The following CFAP44 variants were observed in gnomAD, a reference collection of about 807,000 sequenced individuals.
CFAP44 encodes the protein cilia- and flagella-associated protein 44.
CFAP44 carries 134 observed loss-of-function variants against 216.2 expected under a neutral mutation model. The observed-to-expected ratio is 0.62, with a 90% CI of 0.54 to 0.72. The LOEUF (loss-of-function observed/expected upper bound fraction) is 0.72, where lower values mean the gene tolerates loss of function less well. Among genes scored for constraint, CFAP44 ranks in the 30% least tolerant of loss-of-function variants. CFAP44 has a pLI of 0.00. For missense variants in CFAP44, 2,035 were observed against 2,182.1 expected (o/e 0.93, Z 1.34); for synonymous variants, 700 against 727.6 (o/e 0.96, Z 0.61).
At chr3:113,352,919 T>C (rs1237316091) in intron 22 of CFAP44, among the ~76,000 whole-genome samples, 4 of 152,238 alleles carry the variant, frequency 2.6e-5, no homozygotes, top group Non-Finnish European at 4.4e-5. Context: ...TCCAGTCAGA[T>C]AGCTAGCTAG....
chr3:113,396,750 G>A (rs750929712), intron 13 of CFAP44, 23 bp from the exon 14 acceptor site: 3 of 1,606,520 alleles, frequency 1.9e-6, no homozygotes, highest in Admixed American at 1.7e-5. Flanking sequence ...TAAAGATAAG[G>A]GACCTGAAAC....
chr3:113,384,028 G>T (rs1010879011), intron 15 of CFAP44, among the ~76,000 whole-genome samples: 6 of 151,220 alleles, frequency 4.0e-5, no homozygotes, highest in African/African-American at 1.5e-4. Flanking sequence ...GTGTTAGTTT[G>T]CTGAGAATGA....
chr3:113,294,839 T>C lies in CFAP44; in HGVS notation c.5239-18A>G, dbSNP rs1312142627. On this transcript the variant is annotated intron_variant, in intron 33 of 34. Transcript: ENST00000393845. Reference sequence around the variant, plus strand: ...ATCTTTTCCTACCAGGGTGGGAAGATGCAAAATAGATGTAGTGAATACGAG... The same window carrying C: ...ATCTTTTCCTACCAGGGTGGGAAGACGCAAAATAGATGTAGTGAATACGAG... 1.3e-6 allele frequency: 2 copies of C among 1,518,808 alleles called. No individual in the cohort carries two copies. Among genetic ancestry groups the C allele is most frequent in the Non-Finnish European group, 8.8e-7 (1 of 1,140,898 alleles). 94.1% of individuals were successfully genotyped at this position (1,518,808 alleles called of 1,614,324 possible).
intron 1 of CFAP44, among the ~76,000 whole-genome samples, chr3:113,439,751 CCAGA>C (rs746860911): frequency 3.9e-5 from 6 of 152,182 alleles, no homozygotes; most frequent in Admixed American, 6.5e-5. Flanking sequence ...TGGCTAGACG[CCAGA>C]CAGAGTGCTG....
At chr3:113,305,227 T>C in intron 30 of CFAP44, 75 bp from the exon 31 acceptor site, 1 of 1,274,668 alleles carries the variant, frequency 7.8e-7, no homozygotes, top group East Asian at 2.5e-5. Context: ...AATGAAGGCA[T>C]CTTGGGAGGA....
chr3:113,372,530 G>C, intron 18 of CFAP44, among the ~76,000 whole-genome samples: 1 of 152,176 alleles, frequency 6.6e-6, no homozygotes. Context: ...ATTGAACAAT[G>C]AGAACACATG....
chr3:113,310,995 C>T (rs1417820503), intron 28 of CFAP44, among the ~76,000 whole-genome samples: 1 of 152,224 alleles, frequency 6.6e-6, no homozygotes. Flanking sequence ...TTATAACTTA[C>T]CCAATATCAG....
Position 113,289,334 on chromosome 3 carries a change from T to C in CFAP44, c.*2223A>G, listed in dbSNP as rs775123221. The C allele has an allele frequency of 6.6e-6, 1 of 152,204 alleles. No homozygotes were observed. The highest frequency in any genetic ancestry group is 1.5e-5 in the Non-Finnish European group (1 of 68,036). 9.4% of individuals were successfully genotyped at this position (152,204 alleles called of 1,614,324 possible). A position where few individuals can be genotyped will look rare whatever the true frequency, so the allele number is the denominator to read the frequency against. On this transcript the variant is annotated 3_prime_UTR_variant, in exon 35 of 35. Transcript: ENST00000393845. ...GTCCAGCTCAGTTTGGGAATAATTA[T>C]CCCGATTAGCTTTCCTCTCAGTTGA...
chr3:113,418,057 A>AATTTATTTATTTATTTATTTATTTATTT (rs71299331), intron 5 of CFAP44, among the ~76,000 whole-genome samples: 1 of 148,836 alleles, frequency 6.7e-6, no homozygotes, highest in East Asian at 2.0e-4. Context: ...ATTGAGACAC[A>AATTTATTTATTTATTTATTTATTTATTT]ATTTATTTAT....
intron 22 of CFAP44, among the ~76,000 whole-genome samples, chr3:113,347,929 G>A (rs547478309): frequency 1.1e-4 from 16 of 152,090 alleles, no homozygotes; most frequent in East Asian, 3.9e-4. Context: ...GATTTTTCTC[G>A]GTCCTCATTG....
intron 28 of CFAP44, among the ~76,000 whole-genome samples, chr3:113,317,428 T>G (rs1320994710): frequency 1.3e-5 from 2 of 151,328 alleles, no homozygotes; most frequent in Non-Finnish European, 2.9e-5. Context: ...GCACATCTTC[T>G]CTGCAAGCCC....
At chr3:113,398,308 C>A (rs968048999) in intron 13 of CFAP44, among the ~76,000 whole-genome samples, 1 of 151,984 alleles carries the variant, frequency 6.6e-6, no homozygotes, top group Non-Finnish European at 1.5e-5. Context: ...AGGAAGGAGG[C>A]CCTAACTCTA....
Position 113,341,726 on chromosome 3 carries a change from A to G in CFAP44, c.3437+18T>C. The G allele has an allele frequency of 6.8e-7, 1 of 1,465,266 alleles. No individual in the cohort carries two copies. The highest frequency in any genetic ancestry group is 8.9e-7 in the Non-Finnish European group (1 of 1,121,214). 90.8% of individuals were successfully genotyped at this position (1,465,266 alleles called of 1,614,324 possible). A position where few individuals can be genotyped will look rare whatever the true frequency, so the allele number is the denominator to read the frequency against. ...TCACATATTAAAAAGATAAGAGTTT[A>G]GGTAAAAAAAAACTCACAGTTCCTC... On this transcript the variant is annotated intron_variant, in intron 24 of 34. Transcript: ENST00000393845.
chr3:113,396,798 T>C (rs73237112), intron 13 of CFAP44, 71 bp from the exon 14 acceptor site: 21,480 of 1,430,910 alleles, frequency 0.015, 312 homozygotes, highest in African/African-American at 0.048. Context: ...TAACAGATAT[T>C]TTATTTAGAC....
chr3:113,296,677 T>C (rs1219439348), intron 33 of CFAP44, 48 bp downstream of exon 33: 1 of 1,522,362 alleles, frequency 6.6e-7, no homozygotes, highest in Non-Finnish European at 8.8e-7. Flanking sequence ...TGGGATTTCT[T>C]GCCTCCAGCC....
chr3:113,313,284 T>C (rs1950056906), intron 28 of CFAP44, among the ~76,000 whole-genome samples: 1 of 152,126 alleles, frequency 6.6e-6, no homozygotes, highest in Non-Finnish European at 1.5e-5. Context: ...ATGGGCCCTG[T>C]AATCTCTTTG....
chr3:113,375,714 G>A (rs1006959374), intron 17 of CFAP44, among the ~76,000 whole-genome samples: 12 of 152,110 alleles, frequency 7.9e-5, no homozygotes, highest in Non-Finnish European at 1.3e-4. Flanking sequence ...TCAGCTACTC[G>A]GGAAGCTAAG....
Position 113,396,647 on chromosome 3 carries a change from C to T in CFAP44, c.1650G>A (p.Gly550=). ...TCTTCCGTCCCGCAAAAATCGTGAG[C>T]CCTTTTGGATCATAAAGTTCAAGAA... ...VRILELYDPK[G]LTIFAGRKKI... Residue 550 remains glycine, a synonymous_variant, in exon 14 of 35, where the codon GGG becomes GGA. Coordinates refer to ENST00000393845, the MANE Select transcript of CFAP44 (RefSeq NM_001164496.2). 1 of 1,614,064 alleles carries T rather than the reference C, an allele frequency of 6.2e-7. No homozygotes were observed. Among genetic ancestry groups the T allele is most frequent in the Middle Eastern group, 1.6e-4 (1 of 6,062 alleles).
At chr3:113,409,006 C>CA (rs56301009) in intron 7 of CFAP44, 100 bp downstream of exon 7, 70,265 of 316,334 alleles carry the variant, frequency 0.22, 9,524 homozygotes, top group Admixed American at 0.31. Context: ...ACCAAAACAG[C>CA]AAAAAAAAAA....
Sources: allele counts gnomAD v4.1 joint callset (sites outside exome capture counted in the v4.1 genomes callset), GRCh38; gene constraint gnomAD v4.1.1; transcripts MANE v1.5; gene names NCBI Gene and HGNC (gene_info 2026-07-23, HGNC 2026-07-21).